Variants in MMP26 observed in about 807,000 individuals in gnomAD.
MMP26 encodes matrix metallopeptidase 26, also known as matrix metalloproteinase-26.
Under a neutral mutation model 31.0 loss-of-function variants are expected in MMP26, and 33 were observed. The ratio of observed to expected loss-of-function variants is 1.06; its 90% confidence interval spans 0.81 to 1.42. MMP26 has a LOEUF of 1.42. MMP26 is among the 40% of genes most tolerant of loss of function. MMP26 has a pLI of 0.00. For missense variants in MMP26, 347 were observed against 316.1 expected, an observed-to-expected ratio of 1.10 and a Z score of -0.74; for synonymous variants, 122 against 114.9, an observed-to-expected ratio of 1.06 and a Z score of -0.40.
At position 4,992,203 on chromosome 11, in the gene MMP26, T is replaced by C; in HGVS notation, c.758-11T>C. On this transcript the variant is annotated splice_polypyrimidine_tract_variant and intron_variant, in intron 7 of 7. Coordinates refer to ENST00000380390, the MANE Select transcript of MMP26 (RefSeq NM_021801.5). ...GAAATTTACTGTTGTTTTTTTTTTC[T>C]GTTTCCATAGGAGAAAAATGTTCAT... 1 of 1,567,640 alleles carries C rather than the reference T, an allele frequency of 6.4e-7. No homozygotes were observed. Among genetic ancestry groups the C allele is most frequent in the Non-Finnish European group, 8.7e-7 (1 of 1,144,532 alleles).
intron 2 of MMP26, among the ~76,000 whole-genome samples, chr11:4,806,897 G>A (rs1014591740): frequency 2.6e-5 from 4 of 151,956 alleles, no homozygotes; most frequent in South Asian, 2.1e-4. Context: ...TGTTTGAGCC[G>A]AAGTCTTTCT....
chr11:4,882,861 G>A (rs1409338053), intron 2 of MMP26: 12 of 1,612,856 alleles, frequency 7.4e-6, no homozygotes, highest in African/African-American at 2.7e-5. Flanking sequence ...AATGTGAGGG[G>A]TCTTAGGGGA....
intron 1 of MMP26, chr11:4,723,044 T>C: frequency 5.4e-6 from 6 of 1,107,032 alleles, no homozygotes; most frequent in East Asian, 2.3e-5. Flanking sequence ...CAGGGCCAGT[T>C]TGACTTTCAT....
At chr11:4,821,815 C>T (rs552167688) in intron 2 of MMP26, 2 of 1,612,936 alleles carry the variant, frequency 1.2e-6, no homozygotes, top group East Asian at 2.2e-5. Flanking sequence ...CTGTTACCCA[C>T]TGAGATACAC....
intron 1 of MMP26, among the ~76,000 whole-genome samples, chr11:4,742,587 T>G (rs932243335): frequency 3.3e-5 from 5 of 152,152 alleles, no homozygotes; most frequent in Non-Finnish European, 5.9e-5. Context: ...GTAAAGCAGA[T>G]GGCCTTCCTC....
intron 2 of MMP26, among the ~76,000 whole-genome samples, chr11:4,801,548 ATTTATTTATTT>A (rs1375684814): frequency 9.0e-6 from 1 of 110,732 alleles, no homozygotes; most frequent in Non-Finnish European, 1.9e-5. Flanking sequence ...TTATTTATTT[ATTTATTTATTT>A]GAGATGGAGT....
chr11:4,846,494 C>T (rs750845960), intron 2 of MMP26, among the ~76,000 whole-genome samples: 87 of 152,008 alleles, frequency 5.7e-4, no homozygotes, highest in Non-Finnish European at 1.1e-3. Flanking sequence ...TTTGATAGTG[C>T]AATAGAGTGA....
intron 2 of MMP26, among the ~76,000 whole-genome samples, chr11:4,854,966 C>T (rs1430270229): frequency 1.3e-5 from 2 of 152,332 alleles, no homozygotes; most frequent in African/African-American, 4.8e-5. Flanking sequence ...TGGAGCGGAC[C>T]TCCAGCAAAC....
At chr11:4,723,335 T>C in intron 1 of MMP26, 2 of 972,546 alleles carry the variant, frequency 2.1e-6, no homozygotes, top group Non-Finnish European at 3.3e-6. Context: ...TCATACTTGA[T>C]CTGGTGCATG....
At chr11:4,923,270 C>T (rs11034672) in intron 2 of MMP26, 1 of 1,200,234 alleles carries the variant, frequency 8.3e-7, no homozygotes, top group Non-Finnish European at 1.2e-6. Flanking sequence ...CAGCCAATTG[C>T]CTTTTTGTTG....
intron 2 of MMP26, among the ~76,000 whole-genome samples, chr11:4,786,424 C>A (rs998337711): frequency 6.8e-6 from 1 of 147,750 alleles, no homozygotes. Flanking sequence ...GATCTATCAG[C>A]AATGTACCAC....
rs1846336696 is a variant in MMP26 at position 4,948,064 on chromosome 11, C to A, written c.-144-40004C>A. ...TTCCTGAATCCTGGATCCATCTCCC[C>A]AGACCCATTAGACATCACTAATTAA... On this transcript the variant is annotated intron_variant, in intron 2 of 7. Coordinates refer to ENST00000380390, the MANE Select transcript of MMP26 (RefSeq NM_021801.5). Among the ~76,000 whole-genome samples the A allele has an allele frequency of 1.6e-5, 2 of 124,202 alleles. 1 individual carries two copies. Among genetic ancestry groups the A allele is most frequent in the South Asian group, 4.8e-4 (2 of 4,150 alleles). The allele number at this position is 124,202 out of a possible 152,430, so 81.5% of individuals were successfully genotyped here. A position where few individuals can be genotyped will look rare whatever the true frequency, so the allele number is the denominator to read the frequency against.
intron 2 of MMP26, among the ~76,000 whole-genome samples, chr11:4,789,768 C>T (rs999764722): frequency 6.6e-6 from 1 of 151,362 alleles, no homozygotes; most frequent in African/African-American, 2.4e-5. Flanking sequence ...TGTCGATCTC[C>T]TGACCTTGTG....
chr11:4,927,195 G>A (rs1851285170), intron 2 of MMP26, among the ~76,000 whole-genome samples: 1 of 152,194 alleles, frequency 6.6e-6, no homozygotes, highest in Admixed American at 6.5e-5. Flanking sequence ...TGCATACAAT[G>A]TTGTTAACTA....
chr11:4,825,994 G>A (rs1287430696), intron 2 of MMP26, among the ~76,000 whole-genome samples: 24 of 152,116 alleles, frequency 1.6e-4, no homozygotes. Context: ...GCTTGTTAAA[G>A]AGAGTTATAA....
chr11:4,934,191 C>T (rs947764468), intron 2 of MMP26, among the ~76,000 whole-genome samples: 2 of 146,338 alleles, frequency 1.4e-5, no homozygotes, highest in African/African-American at 5.1e-5. Context: ...GTCCCACCAA[C>T]AGTGTAAAAG....
At chr11:4,942,097 A>G (rs1306749460) in intron 2 of MMP26, among the ~76,000 whole-genome samples, 2 of 129,352 alleles carry the variant, frequency 1.5e-5, no homozygotes, top group Non-Finnish European at 1.7e-5. Flanking sequence ...CTCAAAAAAA[A>G]AAAAAAAAAA....
intron 2 of MMP26, among the ~76,000 whole-genome samples, chr11:4,954,345 G>C (rs1158966659): frequency 8.1e-6 from 1 of 124,038 alleles, no homozygotes; most frequent in Non-Finnish European, 1.8e-5. Flanking sequence ...ATAAAAGCTG[G>C]AATTTAAAAA....
At chr11:4,803,436 G>A (rs748744341) in intron 2 of MMP26, 1 of 1,592,242 alleles carries the variant, frequency 6.3e-7, no homozygotes, top group South Asian at 1.1e-5. Context: ...CCTTTGCTCA[G>A]GGGATGTTTC....
Sources: allele counts gnomAD v4.1 joint callset (sites outside exome capture counted in the v4.1 genomes callset), GRCh38; gene constraint gnomAD v4.1.1; transcripts MANE v1.5; gene names NCBI Gene and HGNC (gene_info 2026-07-23, HGNC 2026-07-21).